Variants in TNFRSF8 observed in about 807,000 individuals in gnomAD.
TNFRSF8 encodes the protein TNF receptor superfamily member 8, also known as tumor necrosis factor receptor superfamily member 8.
In TNFRSF8, 26 loss-of-function variants were observed where a neutral mutation model predicts 70.8. The observed-to-expected ratio is 0.37, with a 90% confidence interval of 0.27 to 0.51. The LOEUF is 0.51. TNFRSF8 is among the 20% of genes least tolerant of loss of function. The pLI is 0.94. For synonymous variants in TNFRSF8, 356 were observed against 339.2 expected (o/e 1.05, Z -0.54); for missense variants, 720 against 807.9 (o/e 0.89, Z 1.32).
At chr1:12,136,573 TG>T (rs1642148067) in intron 13 of TNFRSF8, among the ~76,000 whole-genome samples, 1 of 146,542 alleles carries the variant, frequency 6.8e-6, no homozygotes, top group Admixed American at 7.0e-5. Context: ...CGCTTGAGCC[TG>T]GGGGACAGAG....
chr1:12,093,580 G>T (rs1173140931), intron 2 of TNFRSF8, among the ~76,000 whole-genome samples: 1 of 151,992 alleles, frequency 6.6e-6, no homozygotes, highest in Non-Finnish European at 1.5e-5. Flanking sequence ...TTGCTTCGTT[G>T]TCCAGGCTGG....
At chr1:12,065,078 C>CTTTTTTTTT (rs773549918) in intron 1 of TNFRSF8, among the ~76,000 whole-genome samples, 10 of 88,262 alleles carry the variant, frequency 1.1e-4, no homozygotes, top group Admixed American at 1.6e-4. Flanking sequence ...CATACCAAAC[C>CTTTTTTTTT]TTTTTTTTTT....
At chr1:12,076,086 C>CTTT in intron 1 of TNFRSF8, among the ~76,000 whole-genome samples, 2 of 134,458 alleles carry the variant, frequency 1.5e-5, no homozygotes, top group Admixed American at 7.6e-5. Flanking sequence ...TGGTTTTATT[C>CTTT]TTTTTTTTTT....
intron 1 of TNFRSF8, among the ~76,000 whole-genome samples, chr1:12,070,031 TAGG>T (rs1208586252): frequency 6.6e-6 from 1 of 151,878 alleles, no homozygotes; most frequent in African/African-American, 2.4e-5. Context: ...GAGGGGTGGT[TAGG>T]AGAAGGTGGC....
intron 2 of TNFRSF8, among the ~76,000 whole-genome samples, chr1:12,095,976 C>G (rs1228337514): frequency 6.6e-6 from 1 of 152,234 alleles, no homozygotes; most frequent in Admixed American, 6.5e-5. Flanking sequence ...ACCTGGGCAG[C>G]TCTGGGCTTA....
In TNFRSF8 at chr1:12,126,015, G is replaced by A. The variant is rs750658850; in HGVS notation, c.1218G>A (p.Leu406=). ...TGGTCGGCTCCAGCGCCTTCCTCCTGTGCCACCGGAGGGCCTGCAGGAAGC... is the reference window on the plus strand; with the variant it reads ...TGGTCGGCTCCAGCGCCTTCCTCCTATGCCACCGGAGGGCCTGCAGGAAGC... ...VVVVGSSAFL[L]CHRRACRKRI... Residue 406 remains leucine (L), a synonymous_variant, in exon 11 of 15, where the codon CTG becomes CTA. Transcript: ENST00000263932. The A allele has an allele frequency of 1.2e-5, 19 of 1,614,198 alleles. No homozygotes were observed. Among genetic ancestry groups the A allele is most frequent in the Non-Finnish European group, 1.6e-5 (19 of 1,180,032 alleles).
At position 12,063,569 on chromosome 1, in the gene TNFRSF8, C is replaced by A. The variant is rs1640684845; in HGVS notation, c.-30C>A. The A allele has an allele frequency of 1.2e-5, 16 of 1,306,100 alleles. No individual in the cohort carries two copies. The highest frequency in any genetic ancestry group is 1.6e-5 in the Non-Finnish European group (16 of 1,020,476). The allele number at this position is 1,306,100 out of a possible 1,614,324, so 80.9% of individuals were successfully genotyped here. A position where few individuals can be genotyped will look rare whatever the true frequency, so the allele number is the denominator to read the frequency against. On this transcript the variant is annotated 5_prime_UTR_variant, in exon 1 of 15. Coordinates refer to ENST00000263932, the MANE Select transcript of TNFRSF8 (RefSeq NM_001243.5). The surrounding 1 kb of genome is among the most constrained non-coding windows in gnomAD (Gnocchi z 7.2). ...CCCCGCTTCCCAGGTGGGCGCCGGC[C>A]GCCAGGCCACCTCACGTCCGGCCCC...
At chr1:12,128,389 C>T (rs1354468815) in intron 12 of TNFRSF8, among the ~76,000 whole-genome samples, 2 of 152,184 alleles carry the variant, frequency 1.3e-5, no homozygotes, top group African/African-American at 2.4e-5. Flanking sequence ...CGTGCAGGTG[C>T]GATGAGAGGC....
In TNFRSF8 at chr1:12,138,274, C is replaced by G. The variant is rs1341501975; in HGVS notation, c.1381C>G (p.Arg461Gly). The G allele has an allele frequency of 1.9e-6, 3 of 1,613,514 alleles. No individual in the cohort carries two copies. Among genetic ancestry groups the G allele is most frequent in the Non-Finnish European group, 2.5e-6 (3 of 1,179,910 alleles). The change falls in exon 14 of 15, where the codon CGA (arginine) becomes GGA (glycine). Residue 461 changes from arginine (R) to glycine (G), a missense_variant. Arg to Gly is a moderately radical substitution (Grantham distance 125, BLOSUM62 -2). Transcript: ENST00000263932. The surrounding 1 kb of genome is among the most constrained non-coding windows in gnomAD (Gnocchi z 5.7). ...ASVTEPVAEE[R>G]GLMSQPLMET... is the part of the protein sequence containing the mutation. ...GGTGACAGAACCCGTCGCGGAAGAG[C>G]GAGGGTTAATGAGCCAGCCACTGAT...
chr1:12,137,558 GT>G (rs57661698), intron 13 of TNFRSF8, among the ~76,000 whole-genome samples: 81,776 of 134,862 alleles, frequency 0.61, 23,850 homozygotes, highest in African/African-American at 0.68. Flanking sequence ...GTTTTTTTTT[GT>G]TTTTTTTTTG....
Position 12,086,309 on chromosome 1 carries a change from A to G in TNFRSF8, c.151+1758A>G, listed in dbSNP as rs557524013. ...TGATTTGTATTTCCAACAATGATTCAAAGTATTCATTGTATGGGCAAAAGT... is the reference window on the plus strand; with the variant it reads ...TGATTTGTATTTCCAACAATGATTCGAAGTATTCATTGTATGGGCAAAAGT... On this transcript the variant is annotated intron_variant, in intron 2 of 14. Coordinates refer to ENST00000263932, the MANE Select transcript of TNFRSF8 (RefSeq NM_001243.5). Among the ~76,000 whole-genome samples the G allele has an allele frequency of 4.6e-5, 7 of 152,372 alleles. No individual in the cohort carries two copies. In the East Asian group the frequency reaches 1.3e-3, roughly 29 times the overall value.
rs1219264005 is a variant in TNFRSF8 at position 12,142,425 on chromosome 1, C to T, written c.1682C>T (p.Pro561Leu). The part of the protein sequence containing the change: ...ELEADHTPHY[P>L]EQETEPPLGS... The stretch of plus-strand genomic sequence containing the variant: ...GAGGCGGACCATACCCCCCACTACC[C>T]CGAGCAGGAGACAGAACCGCCTCTG... Residue 561 changes from proline (P) to leucine (L), a missense_variant, in exon 15 of 15, where the codon CCC (proline) becomes CTC (leucine). Coordinates refer to ENST00000263932, the MANE Select transcript of TNFRSF8 (RefSeq NM_001243.5). This position sits in a 1 kb window ranked among gnomAD's most constrained non-coding sequence, Gnocchi z 5.0. The T allele has an allele frequency of 1.9e-6, 3 of 1,612,718 alleles. No homozygotes were observed. Among genetic ancestry groups the T allele is most frequent in the Non-Finnish European group, 2.5e-6 (3 of 1,179,434 alleles).
chr1:12,088,080 T>G lies in TNFRSF8; in HGVS notation c.151+3529T>G, dbSNP rs1194983882. Among the ~76,000 whole-genome samples the G allele has an allele frequency of 6.6e-6, 1 of 152,142 alleles. No homozygotes were observed. Among genetic ancestry groups the G allele is most frequent in the African/African-American group, 2.4e-5 (1 of 41,428 alleles). On this transcript the variant is annotated intron_variant, in intron 2 of 14. Transcript: ENST00000263932. This position sits in a 1 kb window ranked among gnomAD's most constrained non-coding sequence, Gnocchi z 4.0. The stretch of plus-strand genomic sequence containing the variant: ...CACTCAGCTGTGTGGCCGGGTTTGC[T>G]TGTGGGCGGGTTGGTGGAGGAAGGA...
rs1213335900 is a variant in TNFRSF8, at chr1:12,109,370, GA to G, written c.422-195del. 6.6e-6 allele frequency among the ~76,000 whole-genome samples: 1 copy of G among 152,184 alleles called. No homozygotes were observed. The highest frequency in any genetic ancestry group is 2.4e-5 in the African/African-American group (1 of 41,440). On this transcript the variant is annotated intron_variant, in intron 4 of 14. Coordinates refer to ENST00000263932, the MANE Select transcript of TNFRSF8 (RefSeq NM_001243.5). This position sits in a 1 kb window ranked among gnomAD's most constrained non-coding sequence, Gnocchi z 4.4. ...TAACCACAGATGCTGAGATCAGAGG[GA>G]GAGTAATTCCCCAGGGAAAGATAGG...
intron 12 of TNFRSF8, among the ~76,000 whole-genome samples, chr1:12,128,794 G>A (rs1641991233): frequency 6.6e-6 from 1 of 151,068 alleles, no homozygotes; most frequent in Admixed American, 6.6e-5. Flanking sequence ...TGTGGCCCCT[G>A]GGGAAAACCT....
At chr1:12,073,333 G>C (rs1013813318) in intron 1 of TNFRSF8, among the ~76,000 whole-genome samples, 3 of 152,108 alleles carry the variant, frequency 2.0e-5, no homozygotes, top group South Asian at 2.1e-4. Flanking sequence ...TGAGGCTGGC[G>C]CAGGAACCTA....
chr1:12,106,828 C>T (rs1283937524), intron 4 of TNFRSF8, among the ~76,000 whole-genome samples: 1 of 152,234 alleles, frequency 6.6e-6, no homozygotes, highest in Admixed American at 6.5e-5. Context: ...CTCGGTCTCC[C>T]CATCTCTCAA....
At chr1:12,098,548 T>G (rs1380108596) in intron 3 of TNFRSF8, among the ~76,000 whole-genome samples, 1 of 152,170 alleles carries the variant, frequency 6.6e-6, no homozygotes, top group African/African-American at 2.4e-5. Flanking sequence ...TGGCAACATA[T>G]TTATGGCATT....
At chr1:12,130,152 C>T (rs745988712) in intron 12 of TNFRSF8, among the ~76,000 whole-genome samples, 40 of 152,198 alleles carry the variant, frequency 2.6e-4, no homozygotes, top group Non-Finnish European at 4.9e-4. Context: ...AAGTGGTCCT[C>T]CCGCCTCGGC....
Sources: gnomAD v4.1 joint callset for allele counts (sites outside exome capture counted in the v4.1 genomes callset) on GRCh38, gnomAD v4.1.1 for gene constraint, Gnocchi (gnomAD v3.1) non-coding constraint, MANE v1.5 for transcripts, NCBI Gene and HGNC (gene_info 2026-07-23, HGNC 2026-07-21) for gene names.